Variants in BCKDHB observed in about 807,000 individuals in gnomAD.
BCKDHB encodes the protein 2-oxoisovalerate dehydrogenase subunit beta, mitochondrial.
A neutral mutation model predicts 48.5 loss-of-function variants in BCKDHB; 41 were observed. The ratio of observed to expected loss-of-function variants is 0.85; its 90% CI spans 0.66 to 1.10. BCKDHB has a LOEUF of 1.10. BCKDHB is among the 50% of genes least tolerant of loss of function. The probability of loss-of-function intolerance (pLI) is 0.00; values close to 1 mark genes in which losing one functional copy is unlikely to be tolerated. For synonymous variants in BCKDHB, 201 were observed against 174.8 expected, an observed-to-expected ratio of 1.15 and a Z score of -1.18; for missense variants, 496 against 494.2, an observed-to-expected ratio of 1.00 and a Z score of -0.03.
chr6:80,289,794 CCAAAA>C (rs1766816972), intron 9 of BCKDHB, among the ~76,000 whole-genome samples: 1 of 152,100 alleles, frequency 6.6e-6, no homozygotes, highest in Admixed American at 6.5e-5. Context: ...AGCATGGAGC[CCAAAA>C]GTTTTCGTGC....
intron 3 of BCKDHB, among the ~76,000 whole-genome samples, chr6:80,154,555 T>C (rs73479942): frequency 0.012 from 1,760 of 152,256 alleles, 34 homozygotes; most frequent in African/African-American, 0.04. Flanking sequence ...CAATGTTCCA[T>C]ATTTTTAGTA....
chr6:80,401,020 A>T, the BCKDHB span, among the ~76,000 whole-genome samples: 1 of 147,130 alleles, frequency 6.8e-6, no homozygotes, highest in African/African-American at 2.7e-5. Flanking sequence ...TTAGGAGAAC[A>T]TATAGACACA....
chr6:80,460,040 T>A, the BCKDHB span, among the ~76,000 whole-genome samples: 1 of 152,130 alleles, frequency 6.6e-6, no homozygotes, highest in South Asian at 2.1e-4. Context: ...TATTGAGCTA[T>A]GAGAGTATTG....
At chr6:80,201,908 A>G (rs752359151) in intron 7 of BCKDHB, among the ~76,000 whole-genome samples, 1 of 152,178 alleles carries the variant, frequency 6.6e-6, no homozygotes. Flanking sequence ...TTTCAATATC[A>G]CAAGCTCCTA....
At chr6:80,107,423 A>ATGTGTGTG (rs60917181) in intron 1 of BCKDHB, among the ~76,000 whole-genome samples, 1,118 of 73,202 alleles carry the variant, frequency 0.015, 13 homozygotes, top group Admixed American at 0.019. Flanking sequence ...AATTGTGTGT[A>ATGTGTGTG]TGTGTGTGTG....
chr6:80,279,952 A>G (rs185754591), intron 9 of BCKDHB, among the ~76,000 whole-genome samples: 81 of 152,344 alleles, frequency 5.3e-4, no homozygotes, highest in Non-Finnish European at 9.8e-4. Context: ...AAGGATAAGT[A>G]TGAACTTGGT....
At chr6:80,203,238 T>C (rs1381253516) in intron 8 of BCKDHB, 26 bp downstream of exon 8, 1 of 1,493,366 alleles carries the variant, frequency 6.7e-7, no homozygotes, top group Non-Finnish European at 9.3e-7. Context: ...TGATAGAATG[T>C]CATTTCCCTG....
the BCKDHB span, among the ~76,000 whole-genome samples, chr6:80,442,248 C>T: frequency 6.6e-6 from 1 of 152,076 alleles, no homozygotes; most frequent in Non-Finnish European, 1.5e-5. Flanking sequence ...TTAAATTATA[C>T]TTGGCTAATA....
intron 1 of BCKDHB, among the ~76,000 whole-genome samples, chr6:80,116,153 G>A (rs1769693143): frequency 6.6e-6 from 1 of 152,086 alleles, no homozygotes; most frequent in African/African-American, 2.4e-5. Flanking sequence ...CTTTTCCTCA[G>A]ATGCTCTATC....
intron 9 of BCKDHB, among the ~76,000 whole-genome samples, chr6:80,328,200 T>C (rs1242345262): frequency 6.6e-6 from 1 of 152,182 alleles, no homozygotes; most frequent in Non-Finnish European, 1.5e-5. Context: ...ATTTGTTGAA[T>C]GCCTGCTTTG....
At chr6:80,408,585 G>C in the BCKDHB span, among the ~76,000 whole-genome samples, 62 of 152,156 alleles carry the variant, frequency 4.1e-4, no homozygotes, top group African/African-American at 1.3e-3. Context: ...TTAGTCTTGG[G>C]AGGTTGTATG....
At chr6:80,399,758 A>G in the BCKDHB span, among the ~76,000 whole-genome samples, 1 of 152,148 alleles carries the variant, frequency 6.6e-6, no homozygotes, top group Admixed American at 6.6e-5. Context: ...TAAAATTCTT[A>G]GGGAACCAAA....
the BCKDHB span, among the ~76,000 whole-genome samples, chr6:80,398,590 CAATA>C: frequency 1.3e-4 from 19 of 151,254 alleles, no homozygotes; most frequent in Non-Finnish European, 2.7e-4. Context: ...ATAAAATCAG[CAATA>C]AATAGCCTAC....
rs370170196 is a variant in BCKDHB, at chr6:80,137,350, A to G, written c.343+8121A>G. The stretch of plus-strand genomic sequence containing the variant: ...TCTATATGACGTGGATATAGACTAG[A>G]TAAGAATTTCTCAGCCTGTCAGCAC... On this transcript the variant is annotated intron_variant, in intron 3 of 9. Transcript: ENST00000320393. Among the ~76,000 whole-genome samples the G allele has an allele frequency of 3.4e-4, 52 of 152,276 alleles. 1 individual carries two copies. In the East Asian group the frequency reaches 6.9e-3, roughly 20 times the overall value.
downstream of BCKDHB, among the ~76,000 whole-genome samples, chr6:80,347,191 A>T (rs1770255035): frequency 1.3e-5 from 2 of 152,204 alleles, no homozygotes; most frequent in Non-Finnish European, 2.9e-5. Context: ...AATAGCTATG[A>T]TCTGAAATAA....
the BCKDHB span, among the ~76,000 whole-genome samples, chr6:80,381,109 C>G: frequency 6.6e-6 from 1 of 151,918 alleles, no homozygotes; most frequent in Non-Finnish European, 1.5e-5. Flanking sequence ...TGCTGCCTTT[C>G]TTAGATGCTT....
chr6:80,123,825 G>A (rs1770181772), intron 1 of BCKDHB, among the ~76,000 whole-genome samples: 1 of 151,874 alleles, frequency 6.6e-6, no homozygotes, highest in Non-Finnish European at 1.5e-5. Flanking sequence ...CAATTTTGTT[G>A]ATCTTTTCAA....
chr6:80,311,592 G>A (rs1309693566), intron 9 of BCKDHB, among the ~76,000 whole-genome samples: 1 of 152,106 alleles, frequency 6.6e-6, no homozygotes, highest in Non-Finnish European at 1.5e-5. Context: ...TCCATCTTGA[G>A]TTGATTTTTG....
intron 1 of BCKDHB, 103 bp from the exon 2 acceptor site, chr6:80,127,444 C>T (rs1770401737): frequency 7.5e-6 from 7 of 929,892 alleles, no homozygotes; most frequent in Non-Finnish European, 1.1e-5. Flanking sequence ...TAATATCTTT[C>T]TTTGTACCTT....
Sources: allele counts gnomAD v4.1 joint callset (sites outside exome capture counted in the v4.1 genomes callset), GRCh38; gene constraint gnomAD v4.1.1; transcripts MANE v1.5; gene names NCBI Gene and HGNC (gene_info 2026-07-23, HGNC 2026-07-21).